The following FSTL4 variants were observed in gnomAD, a reference collection of about 807,000 sequenced individuals.
FSTL4 encodes follistatin-related protein 4.
FSTL4 carries 28 observed loss-of-function variants against 78.2 expected under a neutral mutation model. That is an observed-to-expected ratio of 0.36 (90% CI 0.27 to 0.49). The LOEUF is 0.49. Ranked by LOEUF, FSTL4 falls within the 20% of genes least tolerant of loss-of-function variation. The probability of loss-of-function intolerance (pLI) is 0.98; values close to 1 mark genes in which losing one functional copy is unlikely to be tolerated. For synonymous variants in FSTL4, 422 were observed against 440.5 expected, an observed-to-expected ratio of 0.96 and a Z score of 0.53; for missense variants, 922 against 1,084.9, an observed-to-expected ratio of 0.85 and a Z score of 2.11.
At chr5:133,767,161 T>C in the FSTL4 span, among the ~76,000 whole-genome samples, 3 of 152,220 alleles carry the variant, frequency 2.0e-5, no homozygotes, top group Non-Finnish European at 4.4e-5. Flanking sequence ...ATTGGGGAAC[T>C]CTGGGAGTCA....
intron 6 of FSTL4, among the ~76,000 whole-genome samples, chr5:133,274,192 A>G (rs1221274777): frequency 3.9e-5 from 6 of 152,044 alleles, no homozygotes; most frequent in African/African-American, 1.4e-4. Flanking sequence ...ACAGCAGCCA[A>G]AGGTGGTTCC....
At chr5:133,370,572 C>T (rs1441215781) in intron 4 of FSTL4, among the ~76,000 whole-genome samples, 1 of 152,024 alleles carries the variant, frequency 6.6e-6, no homozygotes, top group Admixed American at 6.5e-5. Flanking sequence ...GTCTGGCTTC[C>T]TAGGCAGAGT....
chr5:133,445,990 A>G (rs1482514056), intron 3 of FSTL4, among the ~76,000 whole-genome samples: 1 of 152,212 alleles, frequency 6.6e-6, no homozygotes, highest in Non-Finnish European at 1.5e-5. Context: ...ACAAGTTTAT[A>G]TGTGGTTTAT....
At chr5:133,573,816 G>C (rs2112950717) in intron 2 of FSTL4, among the ~76,000 whole-genome samples, 1 of 152,252 alleles carries the variant, frequency 6.6e-6, no homozygotes, top group Non-Finnish European at 1.5e-5. Flanking sequence ...CGTATGCTGA[G>C]CCATAAGCAA....
At chr5:133,696,763 C>T in the FSTL4 span, among the ~76,000 whole-genome samples, 1 of 152,208 alleles carries the variant, frequency 6.6e-6, no homozygotes, top group Admixed American at 6.5e-5. Context: ...GGGCAGCCCC[C>T]ATGAAGACAC....
At chr5:133,727,036 TG>T in the FSTL4 span, among the ~76,000 whole-genome samples, 1 of 152,150 alleles carries the variant, frequency 6.6e-6, no homozygotes, top group African/African-American at 2.4e-5. Context: ...GGGTGGCAGG[TG>T]GGGAACCATC....
chr5:133,231,392 G>C (rs1228179237), intron 8 of FSTL4, among the ~76,000 whole-genome samples: 1 of 151,974 alleles, frequency 6.6e-6, no homozygotes, highest in Non-Finnish European at 1.5e-5. Flanking sequence ...GAAGTTCCTG[G>C]GGCCCTGCCA....
chr5:133,528,201 G>A (rs922416228), intron 3 of FSTL4, among the ~76,000 whole-genome samples: 5 of 152,170 alleles, frequency 3.3e-5, no homozygotes, highest in Non-Finnish European at 7.3e-5. Context: ...TTTAACAAAG[G>A]GGGGATTTCC....
chr5:133,695,113 C>A, the FSTL4 span, among the ~76,000 whole-genome samples: 1 of 152,168 alleles, frequency 6.6e-6, no homozygotes, highest in South Asian at 2.1e-4. Flanking sequence ...AAACAACAGA[C>A]CTGCCAGGCC....
intron 4 of FSTL4, among the ~76,000 whole-genome samples, chr5:133,331,357 T>C (rs1754342216): frequency 6.6e-6 from 1 of 152,144 alleles, no homozygotes; most frequent in Non-Finnish European, 1.5e-5. Flanking sequence ...AAAGAGTCAC[T>C]GGGTTTTCAA....
At chr5:133,454,589 T>C (rs1302587449) in intron 3 of FSTL4, among the ~76,000 whole-genome samples, 1 of 152,320 alleles carries the variant, frequency 6.6e-6, no homozygotes, top group South Asian at 2.1e-4. Context: ...ATCTCTGCCC[T>C]CAAAGGCGGC....
At chr5:133,792,580 TCTGTCTGACTGTCA>T in the FSTL4 span, among the ~76,000 whole-genome samples, 1 of 152,084 alleles carries the variant, frequency 6.6e-6, no homozygotes, top group African/African-American at 2.4e-5. Flanking sequence ...TTTCCGTCAC[TCTGTCTGACTGTCA>T]CTGACTTTAG....
At chr5:133,823,897 T>C in the FSTL4 span, among the ~76,000 whole-genome samples, 1 of 152,212 alleles carries the variant, frequency 6.6e-6, no homozygotes, top group Non-Finnish European at 1.5e-5. Context: ...TTCTTTGTCT[T>C]ACATATTGAG....
intron 14 of FSTL4, among the ~76,000 whole-genome samples, chr5:133,204,656 A>AC (rs1486175313): frequency 6.6e-6 from 1 of 151,602 alleles, no homozygotes; most frequent in Non-Finnish European, 1.5e-5. Context: ...ACATGGTGAA[A>AC]CCCCATCTCT....
At chr5:133,700,270 C>T in the FSTL4 span, among the ~76,000 whole-genome samples, 2 of 151,120 alleles carry the variant, frequency 1.3e-5, no homozygotes, top group Admixed American at 6.6e-5. Flanking sequence ...CCACACCAAA[C>T]CATCACACCA....
intron 6 of FSTL4, among the ~76,000 whole-genome samples, chr5:133,263,498 T>C (rs1752577877): frequency 6.6e-6 from 1 of 151,934 alleles, no homozygotes; most frequent in Non-Finnish European, 1.5e-5. Context: ...GTGCCCAGTG[T>C]GGCCGAGAGC....
chr5:133,410,639 C>T (rs1281614109), intron 3 of FSTL4, among the ~76,000 whole-genome samples: 1 of 152,194 alleles, frequency 6.6e-6, no homozygotes, highest in Non-Finnish European at 1.5e-5. Flanking sequence ...AGGGCCGCCC[C>T]GGTCCGCACC....
chr5:133,362,726 G>A (rs1025350474), intron 4 of FSTL4, among the ~76,000 whole-genome samples: 3 of 152,248 alleles, frequency 2.0e-5, no homozygotes, highest in Non-Finnish European at 4.4e-5. Context: ...GCGAGGCTGA[G>A]CACAGGAGGT....
intron 3 of FSTL4, among the ~76,000 whole-genome samples, chr5:133,478,613 C>T (rs1236744128): frequency 6.6e-6 from 1 of 152,218 alleles, no homozygotes; most frequent in African/African-American, 2.4e-5. Flanking sequence ...TTATCATCTG[C>T]CTGATCAACA....
Sources: gnomAD v4.1 joint callset for allele counts (sites outside exome capture counted in the v4.1 genomes callset) on GRCh38, gnomAD v4.1.1 for gene constraint, MANE v1.5 for transcripts, NCBI Gene and HGNC (gene_info 2026-07-23, HGNC 2026-07-21) for gene names.